Variants in SPAST observed in about 807,000 individuals in gnomAD.
SPAST encodes the protein spastic paraplegia 4 (autosomal dominant; spastin).
In SPAST, 30 loss-of-function variants were observed where a neutral mutation model predicts 76.6. That is an observed-to-expected ratio of 0.39 (90% CI 0.29 to 0.53). The LOEUF is 0.53. SPAST is among the 20% of genes least tolerant of loss of function. SPAST has a pLI of 0.68. For synonymous variants in SPAST, 305 were observed against 281.0 expected (o/e 1.09, Z -0.86); for missense variants, 717 against 770.5 (o/e 0.93, Z 0.82).
intron 1 of SPAST, among the ~76,000 whole-genome samples, chr2:32,067,393 A>T (rs1219611432): frequency 6.6e-6 from 1 of 152,068 alleles, no homozygotes; most frequent in Non-Finnish European, 1.5e-5. Flanking sequence ...CTGTTGGTTG[A>T]TGGGAGTTGG....
chr2:32,128,616 A>G (rs910527785), intron 9 of SPAST, 137 bp downstream of exon 9: 3 of 683,992 alleles, frequency 4.4e-6, no homozygotes, highest in Non-Finnish European at 7.9e-6. Flanking sequence ...CATATGATGA[A>G]TATCTATCTT....
In SPAST at chr2:32,154,488, A is replaced by T; in HGVS notation, c.1843A>T (p.Thr615Ser). 1 of 1,613,910 alleles carries T rather than the reference A, an allele frequency of 6.2e-7. No homozygotes were observed. The highest frequency in any genetic ancestry group is 1.1e-5 in the South Asian group (1 of 91,078). ...TTGGAACAAGGACTTTGGAGATACC[A>T]CTGTTTAAGGAAATACCTTTGTAAA... ...IRWNKDFGDTTV is the reference protein window; with the variant it reads ...IRWNKDFGDTSV The change falls in exon 17 of 17, where the codon ACT becomes TCT. Residue 615 changes from threonine to serine, a missense_variant. Coordinates refer to ENST00000315285, the MANE Select transcript of SPAST (RefSeq NM_014946.4).
intron 3 of SPAST, among the ~76,000 whole-genome samples, chr2:32,091,175 T>C (rs917741429): frequency 6.6e-6 from 1 of 151,290 alleles, no homozygotes; most frequent in Non-Finnish European, 1.5e-5. Flanking sequence ...CTTATTTATT[T>C]GTAGCCCTGT....
intron 1 of SPAST, among the ~76,000 whole-genome samples, chr2:32,083,027 A>G (rs1328457121): frequency 1.3e-5 from 2 of 151,956 alleles, no homozygotes; most frequent in African/African-American, 2.4e-5. Context: ...GCTAGAGTGC[A>G]GTGGCGCAAT....
Position 32,147,247 on chromosome 2 carries a change from T to A in SPAST, c.1717T>A (p.Ser573Thr). 4.4e-6 allele frequency: 7 copies of A among 1,606,542 alleles called. No homozygotes were observed. Among genetic ancestry groups the A allele is most frequent in the Non-Finnish European group, 4.3e-6 (5 of 1,173,382 alleles). ...AAAACCAGAACAGGTGAAGAATATG[T>A]CTGCCAGTGAGGTATAGTATTTTAC... The part of the protein sequence containing the change: ...ELKPEQVKNM[S>T]ASEMRNIRLS... The change falls in exon 16 of 17, where the codon TCT becomes ACT. Residue 573 changes from serine (S) to threonine (T), a missense_variant. Transcript: ENST00000315285.
intron 4 of SPAST, among the ~76,000 whole-genome samples, chr2:32,110,890 G>C (rs548851438): frequency 1.0e-5 from 1 of 97,448 alleles, no homozygotes; most frequent in African/African-American, 4.0e-5. Flanking sequence ...TGTGTATAGA[G>C]TATATATACA....
intron 1 of SPAST, among the ~76,000 whole-genome samples, chr2:32,081,640 T>C (rs1677225957): frequency 6.6e-6 from 1 of 151,532 alleles, no homozygotes; most frequent in Non-Finnish European, 1.5e-5. Flanking sequence ...AAAACTTAGC[T>C]GGGCGTGGTA....
At chr2:32,109,795 G>A (rs1018265831) in intron 4 of SPAST, among the ~76,000 whole-genome samples, 1 of 147,514 alleles carries the variant, frequency 6.8e-6, no homozygotes, top group African/African-American at 2.5e-5. Flanking sequence ...TACATATATA[G>A]TTACATATGT....
chr2:32,082,045 C>T (rs1229433513), intron 1 of SPAST, among the ~76,000 whole-genome samples: 1 of 122,250 alleles, frequency 8.2e-6, no homozygotes, highest in Admixed American at 1.0e-4. Context: ...GGGTCTCTCT[C>T]AGTGGTGCGA....
chr2:32,145,986 C>G (rs992332135), intron 15 of SPAST, among the ~76,000 whole-genome samples: 8 of 152,168 alleles, frequency 5.3e-5, no homozygotes, highest in African/African-American at 1.9e-4. Context: ...TTATACAAAC[C>G]TTTTTGTTTT....
At chr2:32,143,253 C>T (rs1573167277) in intron 13 of SPAST, 83 bp from the exon 14 acceptor site, 1 of 841,390 alleles carries the variant, frequency 1.2e-6, no homozygotes, top group East Asian at 2.7e-5. Context: ...GGTAACAGCA[C>T]AAGACCCTGT....
rs1275073202 is a variant in SPAST, at chr2:32,111,339, TAC to T, written c.683-3297_683-3296del. ...CTGTATAGTGTGTATAGCGTATATATACAGTATACTGTATAGTGTGTATAGCG... is the reference window on the plus strand; with the variant it reads ...CTGTATAGTGTGTATAGCGTATATATAGTATACTGTATAGTGTGTATAGCG... On this transcript the variant is annotated intron_variant, in intron 4 of 16. Coordinates refer to ENST00000315285, the MANE Select transcript of SPAST (RefSeq NM_014946.4). 2.9e-4 allele frequency among the ~76,000 whole-genome samples: 37 copies of T among 129,218 alleles called. 2 individuals carry two copies. Among genetic ancestry groups the T allele is most frequent in the African/African-American group, 5.1e-4 (19 of 37,620 alleles). The allele number at this position is 129,218 out of a possible 152,430, so 84.8% of individuals were successfully genotyped here. A position where few individuals can be genotyped will look rare whatever the true frequency, so the allele number is the denominator to read the frequency against.
intron 9 of SPAST, among the ~76,000 whole-genome samples, chr2:32,132,490 T>C (rs564818996): frequency 2.0e-5 from 3 of 152,214 alleles, no homozygotes; most frequent in African/African-American, 7.2e-5. Context: ...GAAATCTGCT[T>C]TTTCTAATTT....
chr2:32,087,435 T>C (rs1677527698), intron 1 of SPAST, 57 bp from the exon 2 acceptor site: 12 of 1,048,412 alleles, frequency 1.1e-5, no homozygotes, highest in South Asian at 9.0e-5. Flanking sequence ...ACAGCATGAT[T>C]TGCAATATTT....
intron 7 of SPAST, among the ~76,000 whole-genome samples, chr2:32,124,276 A>G (rs1222163926): frequency 2.0e-5 from 3 of 152,218 alleles, no homozygotes; most frequent in Non-Finnish European, 4.4e-5. Context: ...TATATGCTCA[A>G]CATCATGTCG....
At chr2:32,087,699 T>TC in intron 2 of SPAST, 121 bp downstream of exon 2, 1 of 354,126 alleles carries the variant, frequency 2.8e-6, no homozygotes, top group Admixed American at 5.0e-5. Context: ...CTTTTCTTTT[T>TC]TTTTTTTTTT....
intron 4 of SPAST, among the ~76,000 whole-genome samples, chr2:32,111,149 TAGTGTGTATAGAGTATATATA>T (rs1573110582): frequency 8.2e-6 from 1 of 122,522 alleles, no homozygotes; most frequent in African/African-American, 3.1e-5. Context: ...GTATACTATA[TAGTGTGTATAGAGTATATATA>T]CAGTATACTA....
intron 1 of SPAST, among the ~76,000 whole-genome samples, chr2:32,068,018 G>A (rs543345105): frequency 3.5e-5 from 5 of 141,174 alleles, no homozygotes; most frequent in Non-Finnish European, 6.0e-5. Flanking sequence ...TCGCTTTGTC[G>A]CCCAGGCTAG....
chr2:32,087,613 A>G (rs1159640496), intron 2 of SPAST, 35 bp downstream of exon 2: 12 of 1,014,294 alleles, frequency 1.2e-5, no homozygotes, highest in Admixed American at 1.8e-5. Context: ...ATCCCAAATT[A>G]TGATATATTC....
Sources: allele counts gnomAD v4.1 joint callset (sites outside exome capture counted in the v4.1 genomes callset), GRCh38; gene constraint gnomAD v4.1.1; transcripts MANE v1.5; gene names NCBI Gene and HGNC (gene_info 2026-07-23, HGNC 2026-07-21).